EPHA6: variants seen among roughly 807,000 people sequenced by gnomAD.
The protein encoded by EPHA6 is ephrin type-A receptor 6.
In EPHA6, 50 loss-of-function variants were observed where a neutral mutation model predicts 112.0. That is an observed-to-expected ratio of 0.45 (90% CI 0.36 to 0.56). The LOEUF is 0.56. EPHA6 is among the 20% of genes least tolerant of loss of function. The pLI is 0.00. For missense variants in EPHA6, 1,280 were observed against 1,417.4 expected (o/e 0.90, Z 1.56); for synonymous variants, 529 against 490.7 (o/e 1.08, Z -1.03).
chr3:97,630,574 C>A (rs868843261), intron 13 of EPHA6, among the ~76,000 whole-genome samples: 1 of 152,000 alleles, frequency 6.6e-6, no homozygotes, highest in Non-Finnish European at 1.5e-5. Flanking sequence ...TCTGCAAAGT[C>A]ATTTATAAAT....
chr3:97,009,936 A>C, intron 3 of EPHA6: 1 of 501,450 alleles, frequency 2.0e-6, no homozygotes, highest in Non-Finnish European at 3.7e-6. Flanking sequence ...TTTTGATGAG[A>C]GAACCTGGTT....
At chr3:97,560,864 A>AT (rs1359494311) in intron 11 of EPHA6, among the ~76,000 whole-genome samples, 6 of 151,994 alleles carry the variant, frequency 3.9e-5, no homozygotes, top group African/African-American at 1.4e-4. Context: ...TATCAGTGCC[A>AT]TTTTTTCAAC....
intron 5 of EPHA6, among the ~76,000 whole-genome samples, chr3:97,362,994 G>C (rs2084459476): frequency 6.6e-6 from 1 of 150,490 alleles, no homozygotes; most frequent in African/African-American, 2.4e-5. Flanking sequence ...ATTTATTATT[G>C]TTATACTTTG....
intron 11 of EPHA6, among the ~76,000 whole-genome samples, chr3:97,539,089 TTC>T (rs2092808703): frequency 6.9e-6 from 1 of 145,868 alleles, no homozygotes; most frequent in Non-Finnish European, 1.5e-5. Flanking sequence ...CCTTCCTTCC[TTC>T]CTTCCTTCCT....
chr3:96,944,490 A>G (rs2041147667), intron 2 of EPHA6, among the ~76,000 whole-genome samples: 1 of 151,784 alleles, frequency 6.6e-6, no homozygotes, highest in Admixed American at 6.6e-5. Flanking sequence ...TCTACTCTGA[A>G]CTCCTACTTG....
chr3:97,596,130 C>T (rs1047163649), intron 12 of EPHA6, among the ~76,000 whole-genome samples: 2 of 151,814 alleles, frequency 1.3e-5, no homozygotes, highest in Non-Finnish European at 2.9e-5. Context: ...TGGTCTCGAT[C>T]TACTGACCTC....
At chr3:97,177,088 T>C (rs1208734274) in intron 3 of EPHA6, among the ~76,000 whole-genome samples, 1 of 151,924 alleles carries the variant, frequency 6.6e-6, no homozygotes, top group Non-Finnish European at 1.5e-5. Context: ...CCATTATCAT[T>C]TGATAAAAGA....
Position 97,759,478 on chromosome 3 carries a change from C to G in EPHA6, c.*10777C>G, listed in dbSNP as rs1211418572. 4.4e-6 allele frequency: 1 copy of G among 229,588 alleles called. No individual in the cohort carries two copies. The highest frequency in any genetic ancestry group is 2.2e-5 in the African/African-American group (1 of 45,132). 14.2% of individuals were successfully genotyped at this position (229,588 alleles called of 1,614,324 possible). On this transcript the variant is annotated 3_prime_UTR_variant, in exon 18 of 18. Transcript: ENST00000389672. ...TTTAAGGATGCTACAGCATATTTAT[C>G]TACTAATGAAAATGACTTGGCAGAC...
chr3:96,864,852 G>A (rs922536210), intron 1 of EPHA6, among the ~76,000 whole-genome samples: 1 of 152,028 alleles, frequency 6.6e-6, no homozygotes, highest in Non-Finnish European at 1.5e-5. Flanking sequence ...GTCTGGATAT[G>A]TCATTGCATT....
intron 2 of EPHA6, among the ~76,000 whole-genome samples, chr3:96,957,105 C>G (rs1242015928): frequency 6.6e-6 from 1 of 151,144 alleles, no homozygotes; most frequent in Non-Finnish European, 1.5e-5. Context: ...TATTTACAGA[C>G]TTAACTGAAA....
At chr3:96,988,047 G>T in intron 3 of EPHA6, 54 bp downstream of exon 3, 4 of 1,387,110 alleles carry the variant, frequency 2.9e-6, no homozygotes, top group Non-Finnish European at 3.8e-6. Context: ...TTTTAAAAAA[G>T]TTTTATTTTT....
At chr3:97,615,057 C>T (rs1174591037) in intron 13 of EPHA6, among the ~76,000 whole-genome samples, 1 of 152,136 alleles carries the variant, frequency 6.6e-6, no homozygotes, top group Non-Finnish European at 1.5e-5. Context: ...TCAACTGAAA[C>T]ATCCAGTACT....
chr3:97,053,924 A>G (rs2045767190), intron 3 of EPHA6, among the ~76,000 whole-genome samples: 1 of 151,924 alleles, frequency 6.6e-6, no homozygotes, highest in Non-Finnish European at 1.5e-5. Context: ...GACAAACACA[A>G]TCTTGATCTT....
intron 5 of EPHA6, among the ~76,000 whole-genome samples, chr3:97,366,492 T>C (rs138539456): frequency 2.6e-5 from 4 of 152,166 alleles, no homozygotes; most frequent in African/African-American, 9.7e-5. Context: ...TTAACAGAAG[T>C]CCACTGTGGT....
chr3:97,513,470 T>C (rs1296549244), intron 10 of EPHA6, among the ~76,000 whole-genome samples: 1 of 152,184 alleles, frequency 6.6e-6, no homozygotes, highest in Non-Finnish European at 1.5e-5. Flanking sequence ...GTGGTATATG[T>C]ACACAATAGA....
At chr3:96,863,781 C>G (rs1305938009) in intron 1 of EPHA6, among the ~76,000 whole-genome samples, 1 of 151,788 alleles carries the variant, frequency 6.6e-6, no homozygotes, top group Non-Finnish European at 1.5e-5. Context: ...GGTCATAATT[C>G]CTATATAAAA....
At chr3:97,168,105 A>G (rs945963738) in intron 3 of EPHA6, among the ~76,000 whole-genome samples, 1 of 152,174 alleles carries the variant, frequency 6.6e-6, no homozygotes, top group African/African-American at 2.4e-5. Flanking sequence ...ACATGATGGC[A>G]TGAATTTTAA....
intron 7 of EPHA6, among the ~76,000 whole-genome samples, chr3:97,459,511 A>C (rs1310961178): frequency 6.6e-6 from 1 of 152,148 alleles, no homozygotes; most frequent in Non-Finnish European, 1.5e-5. Context: ...GCTAGTGAGG[A>C]CCATGCAATG....
At position 97,751,588 on chromosome 3, in the gene EPHA6, T is replaced by C. The variant is rs1421195750; in HGVS notation, c.*2887T>C. On this transcript the variant is annotated 3_prime_UTR_variant, in exon 18 of 18. Transcript: ENST00000389672. Reference sequence around the variant, plus strand: ...CCATGATCCCAGGAATATTACAATATTCAGGAATATAAACAGTTAAAATGC... The same window carrying C: ...CCATGATCCCAGGAATATTACAATACTCAGGAATATAAACAGTTAAAATGC... 2.0e-5 allele frequency among the ~76,000 whole-genome samples: 3 copies of C among 152,124 alleles called. No homozygotes were observed. Among genetic ancestry groups the C allele is most frequent in the Non-Finnish European group, 4.4e-5 (3 of 67,972 alleles).
Sources: gnomAD v4.1 joint callset for allele counts (sites outside exome capture counted in the v4.1 genomes callset) on GRCh38, gnomAD v4.1.1 for gene constraint, MANE v1.5 for transcripts, NCBI Gene and HGNC (gene_info 2026-07-23, HGNC 2026-07-21) for gene names.